Variants in DPY19L2 observed in about 807,000 individuals in gnomAD.
DPY19L2 encodes probable C-mannosyltransferase DPY19L2.
In DPY19L2, 34 loss-of-function variants were observed where a neutral mutation model predicts 97.9. The observed-to-expected ratio is 0.35, with a 90% confidence interval of 0.26 to 0.46. DPY19L2 has a LOEUF of 0.46. DPY19L2 is among the 20% of genes least tolerant of loss of function. DPY19L2 has a pLI of 1.00. For missense variants in DPY19L2, 623 were observed against 911.4 expected (o/e 0.68, Z 4.07); for synonymous variants, 230 against 307.9 (o/e 0.75, Z 2.65).
chr12:63,641,514 ATTTAC>A (rs1892700345), intron 6 of DPY19L2, among the ~76,000 whole-genome samples: 1 of 152,110 alleles, frequency 6.6e-6, no homozygotes, highest in Non-Finnish European at 1.5e-5. Flanking sequence ...TCAAACTATG[ATTTAC>A]TTTAATCTGT....
intron 4 of DPY19L2, among the ~76,000 whole-genome samples, chr12:63,649,593 T>G (rs1402324218): frequency 6.6e-6 from 1 of 152,030 alleles, no homozygotes; most frequent in Non-Finnish European, 1.5e-5. Flanking sequence ...ATGGCTAAAT[T>G]CCTGGAAATA....
intron 11 of DPY19L2, among the ~76,000 whole-genome samples, chr12:63,609,089 T>C (rs1315642633): frequency 2.6e-5 from 4 of 152,110 alleles, no homozygotes; most frequent in Non-Finnish European, 4.4e-5. Context: ...TTAAAAAATA[T>C]ATACTTATGT....
In DPY19L2 at chr12:63,580,809, G is replaced by T. The variant is rs748677303; in HGVS notation, c.1753C>A (p.Arg585Ser). Residue 585 changes from arginine to serine, a missense_variant, in exon 19 of 22, where the codon CGT becomes AGT. Physicochemically the swap from Arg to Ser is moderately radical, Grantham distance 110. Around this residue, in one of 6 missense-constraint regions of DPY19L2, gnomAD observed 294 missense variants for 446.2 expected, o/e 0.66. Transcript: ENST00000324472. ...ATGCCAAAGATAACCTTCTCAAAAC[G>T]AACTCTGCGAAAAAGCCAGCCAAAG... ...QLFGWLFRRVRFEKVIFGILT... is the reference protein window; with the variant it reads ...QLFGWLFRRVSFEKVIFGILT... The T allele has an allele frequency of 4.3e-6, 7 of 1,611,186 alleles. No homozygotes were observed. The African/African-American group carries it at 9.4e-5, about 22-fold the overall frequency.
At position 63,579,759 on chromosome 12, in the gene DPY19L2, C is replaced by A. The variant is rs542713491; in HGVS notation, c.1900+903G>T. Among the ~76,000 whole-genome samples, 18 of 152,118 alleles carry A rather than the reference C, an allele frequency of 1.2e-4. No homozygotes were observed. In the East Asian group the frequency reaches 3.3e-3, roughly 28 times the overall value. On this transcript the variant is annotated intron_variant, in intron 19 of 21. Coordinates refer to ENST00000324472, the MANE Select transcript of DPY19L2 (RefSeq NM_173812.5). ...TAATTAAACTGGCTTGGCAGTTTAACGAGGCACTGTCACCTACACCCTTTG... is the reference window on the plus strand; with the variant it reads ...TAATTAAACTGGCTTGGCAGTTTAAAGAGGCACTGTCACCTACACCCTTTG...
chr12:63,564,854 C>A (rs983673125), intron 21 of DPY19L2, among the ~76,000 whole-genome samples: 3 of 107,890 alleles, frequency 2.8e-5, no homozygotes, highest in African/African-American at 1.5e-4. Context: ...GTAGATTTGT[C>A]TATTTTTCCT....
chr12:63,592,774 C>A lies in DPY19L2; in HGVS notation c.1580+1313G>T, dbSNP rs1449920144. 8.9e-4 allele frequency among the ~76,000 whole-genome samples: 135 copies of A among 151,850 alleles called. 2 individuals are homozygous for A. The East Asian group carries it at 0.024, about 27-fold the overall frequency. On this transcript the variant is annotated intron_variant, in intron 16 of 21. Transcript: ENST00000324472. ...ACACCAAAAGCAATGGCAACAAAAG[C>A]CAAAATTGACAAATGGGATCTAATT...
intron 14 of DPY19L2, among the ~76,000 whole-genome samples, chr12:63,597,089 C>A (rs1348482454): frequency 6.6e-6 from 1 of 151,948 alleles, no homozygotes; most frequent in Admixed American, 6.5e-5. Context: ...TCTCCTGTCT[C>A]AGCCTCCTAC....
At position 63,610,841 on chromosome 12, in the gene DPY19L2, C is replaced by CAAAAAAAAAAAA. The variant is rs56044043; in HGVS notation, c.1219-2178_1219-2167dup. On this transcript the variant is annotated intron_variant, in intron 11 of 21. Transcript: ENST00000324472. ...AGGCCAGTACCTCTGATGAATATAG[C>CAAAAAAAAAAAA]AAAAAAAAAAAAAAAAAAAAAAAAA... is the stretch of plus-strand genomic sequence containing the variant. Among the ~76,000 whole-genome samples the CAAAAAAAAAAAA allele has an allele frequency of 4.1e-3, 44 of 10,770 alleles. 11 individuals are homozygous for CAAAAAAAAAAAA. Among genetic ancestry groups the CAAAAAAAAAAAA allele is most frequent in the Non-Finnish European group, 5.3e-3 (25 of 4,760 alleles). The allele number at this position is 10,770 out of a possible 152,430, so 7.1% of individuals were successfully genotyped here.
chr12:63,630,956 C>A (rs1890511989), intron 6 of DPY19L2, among the ~76,000 whole-genome samples: 1 of 152,086 alleles, frequency 6.6e-6, no homozygotes, highest in South Asian at 2.1e-4. Flanking sequence ...ATAATCTGCT[C>A]CTGAATGACT....
chr12:63,642,708 C>T (rs4763102), intron 6 of DPY19L2, among the ~76,000 whole-genome samples: 104,825 of 151,248 alleles, frequency 0.69, 36,904 homozygotes, highest in African/African-American at 0.8. Flanking sequence ...ACATTAGCTT[C>T]ATAATACAGC....
intron 19 of DPY19L2, among the ~76,000 whole-genome samples, chr12:63,571,973 G>T (rs1184442381): frequency 2.0e-5 from 3 of 152,266 alleles, no homozygotes; most frequent in African/African-American, 7.2e-5. Context: ...GGAGCATGAT[G>T]ACCAAGTAGA....
At chr12:63,593,809 T>A (rs1468753039) in intron 16 of DPY19L2, among the ~76,000 whole-genome samples, 1 of 150,064 alleles carries the variant, frequency 6.7e-6, no homozygotes, top group Non-Finnish European at 1.5e-5. Context: ...TAAAAAAAAA[T>A]AAATCTTTAG....
At chr12:63,567,510 A>T (rs976159478) in intron 21 of DPY19L2, among the ~76,000 whole-genome samples, 1 of 152,074 alleles carries the variant, frequency 6.6e-6, no homozygotes, top group African/African-American at 2.4e-5. Context: ...TAAACTAAAA[A>T]ATATAATGGT....
intron 6 of DPY19L2, among the ~76,000 whole-genome samples, chr12:63,628,616 C>A (rs146952385): frequency 0.03 from 4,496 of 152,156 alleles, 105 homozygotes; most frequent in Middle Eastern, 0.082. Flanking sequence ...GGCCTCCCTG[C>A]CTCTGTAGAC....
At chr12:63,575,251 G>A (rs1020943615) in intron 19 of DPY19L2, among the ~76,000 whole-genome samples, 1 of 151,916 alleles carries the variant, frequency 6.6e-6, no homozygotes, top group Non-Finnish European at 1.5e-5. Context: ...GAAGGAAATT[G>A]AAAATGTTCT....
intron 4 of DPY19L2, among the ~76,000 whole-genome samples, chr12:63,649,244 C>T (rs1374934930): frequency 6.6e-6 from 1 of 152,098 alleles, no homozygotes; most frequent in African/African-American, 2.4e-5. Flanking sequence ...CTCAAATTAA[C>T]AACCTAACAT....
rs190887865 is a variant in DPY19L2, at chr12:63,582,906, A to G, written c.1606-381T>C. Among the ~76,000 whole-genome samples, 373 of 152,144 alleles carry G rather than the reference A, an allele frequency of 2.5e-3. 2 individuals carry two copies. The highest frequency in any genetic ancestry group is 7.1e-3 in the African/African-American group (293 of 41,474). ...AGGAGGTGGTGTGAGGAGGTGGAGTACCAACACAGTGGGCCTCACTGTAAA... is the reference window on the plus strand; with the variant it reads ...AGGAGGTGGTGTGAGGAGGTGGAGTGCCAACACAGTGGGCCTCACTGTAAA... On this transcript the variant is annotated intron_variant, in intron 17 of 21. Transcript: ENST00000324472.
chr12:63,643,917 T>G (rs996327486), intron 6 of DPY19L2, among the ~76,000 whole-genome samples: 1 of 152,144 alleles, frequency 6.6e-6, no homozygotes, highest in Admixed American at 6.5e-5. Context: ...CACACGACCG[T>G]TGAAATTAAT....
At chr12:63,585,903 G>GA (rs1376799770) in intron 16 of DPY19L2, among the ~76,000 whole-genome samples, 1 of 152,022 alleles carries the variant, frequency 6.6e-6, no homozygotes, top group East Asian at 1.9e-4. Flanking sequence ...GAAATTCTAA[G>GA]AAAAATATAT....
Sources: allele counts gnomAD v4.1 joint callset (sites outside exome capture counted in the v4.1 genomes callset), GRCh38; gene constraint gnomAD v4.1.1; regional missense constraint gnomAD v4.1.1; transcripts MANE v1.5; gene names NCBI Gene and HGNC (gene_info 2026-07-23, HGNC 2026-07-21).